Variants in CSMD1 observed in about 807,000 individuals in gnomAD.
The protein encoded by CSMD1 is CUB and Sushi multiple domains 1, also known as CUB and sushi domain-containing protein 1.
A neutral mutation model predicts 417.5 loss-of-function variants in CSMD1; 213 were observed. The ratio of observed to expected loss-of-function variants is 0.51; its 90% CI spans 0.46 to 0.57. The LOEUF is 0.57. CSMD1 is among the 20% of genes least tolerant of loss of function. The pLI is 0.00. For missense variants in CSMD1, 6,923 were observed against 4,529.7 expected, an observed-to-expected ratio of 1.53 and a Z score of -15.17; for synonymous variants, 2,862 against 1,736.8, an observed-to-expected ratio of 1.65 and a Z score of -16.11.
chr8:4,232,767 C>T (rs1443579236), intron 3 of CSMD1, among the ~76,000 whole-genome samples: 4 of 152,164 alleles, frequency 2.6e-5, no homozygotes, highest in African/African-American at 7.2e-5. Context: ...CTGGTTAAAA[C>T]CCTAATTGAC....
chr8:3,638,949 G>A (rs1279115264), intron 7 of CSMD1, among the ~76,000 whole-genome samples: 1 of 152,162 alleles, frequency 6.6e-6, no homozygotes, highest in Non-Finnish European at 1.5e-5. Flanking sequence ...AGCAGTATGG[G>A]AATTCAGAAA....
intron 3 of CSMD1, among the ~76,000 whole-genome samples, chr8:4,220,109 C>G (rs967599186): frequency 2.0e-5 from 3 of 152,092 alleles, no homozygotes; most frequent in Non-Finnish European, 4.4e-5. Flanking sequence ...GCCACCATGC[C>G]CAGCTGATTT....
At chr8:4,353,394 G>A (rs1421367630) in intron 3 of CSMD1, among the ~76,000 whole-genome samples, 1 of 152,108 alleles carries the variant, frequency 6.6e-6, no homozygotes, top group Non-Finnish European at 1.5e-5. Context: ...GTGTGGAACT[G>A]TGAGTCCACT....
At chr8:3,865,662 C>A (rs13276234) in intron 5 of CSMD1, among the ~76,000 whole-genome samples, 11,930 of 152,138 alleles carry the variant, frequency 0.078, 539 homozygotes, top group South Asian at 0.15. Flanking sequence ...TCCATCAGTC[C>A]TGTTAAGTAC....
At chr8:3,055,847 C>A (rs10866944) in intron 49 of CSMD1, among the ~76,000 whole-genome samples, 36,376 of 151,996 alleles carry the variant, frequency 0.24, 4,632 homozygotes, top group East Asian at 0.43. Context: ...CTCTCAATAA[C>A]AGTGTGGCTT....
chr8:3,035,207 C>T, intron 50 of CSMD1, among the ~76,000 whole-genome samples: 1 of 152,116 alleles, frequency 6.6e-6, no homozygotes, highest in African/African-American at 2.4e-5. Flanking sequence ...CTCCCCAGTC[C>T]CCCACCATCA....
At chr8:3,003,555 GTATTTGACAATAATTCATT>G (rs1807600423) in intron 52 of CSMD1, among the ~76,000 whole-genome samples, 1 of 152,168 alleles carries the variant, frequency 6.6e-6, no homozygotes, top group East Asian at 1.9e-4. Flanking sequence ...TCACCTTCAT[GTATTTGACAATAATTCATT>G]TATTTGACAA....
chr8:4,444,902 T>A (rs1014480474), intron 2 of CSMD1, among the ~76,000 whole-genome samples: 2 of 152,172 alleles, frequency 1.3e-5, no homozygotes, highest in Non-Finnish European at 2.9e-5. Context: ...TCTGACCTTG[T>A]CCAGGTCTTA....
Position 3,284,349 on chromosome 8 carries a change from G to T in CSMD1, c.3951-3C>A. The T allele has an allele frequency of 6.2e-7, 1 of 1,611,134 alleles. No individual in the cohort carries two copies. The highest frequency in any genetic ancestry group is 8.5e-7 in the Non-Finnish European group (1 of 1,178,032). ...TGTCGAAAACAATGAAATGGAGGCT[G>T]CAAGAGAGAACACAGTAGCGCTACT... is the stretch of plus-strand genomic sequence containing the variant. On this transcript the variant is annotated splice_polypyrimidine_tract_variant and splice_region_variant and intron_variant, in intron 25 of 69. Transcript: ENST00000635120.
chr8:4,716,116 A>G (rs1808637944), intron 1 of CSMD1, among the ~76,000 whole-genome samples: 1 of 152,184 alleles, frequency 6.6e-6, no homozygotes, highest in Non-Finnish European at 1.5e-5. Context: ...GGAGACTCAC[A>G]GAGCTGTGAG....
Position 3,910,637 on chromosome 8 carries a change from C to G in CSMD1, c.818+87266G>C, listed in dbSNP as rs918024763. On this transcript the variant is annotated intron_variant, in intron 5 of 69. Coordinates refer to ENST00000635120, the MANE Select transcript of CSMD1 (RefSeq NM_033225.6). ...ATGATTTTAATATAAAGCTATTGTG[C>G]TTAATAAGAAAACAGACTGATATTG... 5.9e-5 allele frequency among the ~76,000 whole-genome samples: 9 copies of G among 152,204 alleles called. 1 individual carries two copies. In the South Asian group the frequency reaches 1.9e-3, roughly 32 times the overall value.
chr8:3,403,787 C>T (rs1426513033), intron 15 of CSMD1, among the ~76,000 whole-genome samples: 1 of 152,198 alleles, frequency 6.6e-6, no homozygotes, highest in Admixed American at 6.5e-5. Flanking sequence ...TCATTAGTAT[C>T]ATATCTTTGA....
At chr8:4,911,055 C>T (rs1257002523) in intron 1 of CSMD1, among the ~76,000 whole-genome samples, 1 of 152,176 alleles carries the variant, frequency 6.6e-6, no homozygotes, top group Non-Finnish European at 1.5e-5. Context: ...TGACTTGCTC[C>T]TCCTTGCCTT....
At chr8:4,593,394 A>T (rs1800088275) in intron 2 of CSMD1, among the ~76,000 whole-genome samples, 2 of 152,176 alleles carry the variant, frequency 1.3e-5, no homozygotes, top group South Asian at 4.1e-4. Flanking sequence ...TTTAGTGCTA[A>T]TTATGTATTT....
chr8:4,071,653 A>G (rs1799564787), intron 3 of CSMD1, among the ~76,000 whole-genome samples: 1 of 151,892 alleles, frequency 6.6e-6, no homozygotes, highest in African/African-American at 2.4e-5. Flanking sequence ...AAATATGTGG[A>G]GTGATTAGTT....
chr8:3,668,817 T>C (rs555206459), intron 7 of CSMD1, among the ~76,000 whole-genome samples: 1 of 152,228 alleles, frequency 6.6e-6, no homozygotes, highest in East Asian at 1.9e-4. Flanking sequence ...CAATTTGCTG[T>C]TAAGTAAAGT....
chr8:4,557,080 C>T (rs1798128210), intron 2 of CSMD1, among the ~76,000 whole-genome samples: 1 of 152,122 alleles, frequency 6.6e-6, no homozygotes, highest in Non-Finnish European at 1.5e-5. Flanking sequence ...ATGAAACATA[C>T]TTTATAAAAT....
chr8:4,567,233 G>T (rs978323088), intron 2 of CSMD1, among the ~76,000 whole-genome samples: 1 of 152,122 alleles, frequency 6.6e-6, no homozygotes, highest in Non-Finnish European at 1.5e-5. Context: ...TTGAATATAA[G>T]TGAGTGAATG....
intron 50 of CSMD1, among the ~76,000 whole-genome samples, chr8:3,043,104 G>C (rs1159823189): frequency 6.7e-6 from 1 of 149,894 alleles, no homozygotes; most frequent in Non-Finnish European, 1.5e-5. Flanking sequence ...ACAGTACTAG[G>C]TCACTATGGT....
Sources: gnomAD v4.1 joint callset for allele counts (sites outside exome capture counted in the v4.1 genomes callset) on GRCh38, gnomAD v4.1.1 for gene constraint, MANE v1.5 for transcripts, NCBI Gene and HGNC (gene_info 2026-07-23, HGNC 2026-07-21) for gene names.